MBD5: variants seen among roughly 807,000 people sequenced by gnomAD.
MBD5 encodes the protein methyl-CpG binding domain protein 5.
In MBD5, 13 loss-of-function variants were observed where a neutral mutation model predicts 117.3. That is an observed-to-expected ratio of 0.11 (90% confidence interval 0.07 to 0.18). MBD5 has a LOEUF of 0.18. Ranked by LOEUF, MBD5 falls within the 10% of genes least tolerant of loss-of-function variation. The pLI is 1.00. For missense variants in MBD5, 1,879 were observed against 2,093.8 expected (o/e 0.90, Z 2.00); for synonymous variants, 727 against 766.4 (o/e 0.95, Z 0.85).
Position 148,513,071 on chromosome 2 carries a change from G to T in MBD5, c.*130G>T. On this transcript the variant is annotated 3_prime_UTR_variant, in exon 14 of 14. Transcript: ENST00000642680. Reference sequence around the variant, plus strand: ...GGCAGATAGCTACCACCACCACAGGGTGCTAAAAGAAACAGTGATACAAAA... The same window carrying T: ...GGCAGATAGCTACCACCACCACAGGTTGCTAAAAGAAACAGTGATACAAAA... 1 of 948,356 alleles carries T rather than the reference G, an allele frequency of 1.1e-6. No homozygotes were observed. Among genetic ancestry groups the T allele is most frequent in the East Asian group, 2.6e-5 (1 of 38,834 alleles). 58.7% of individuals were successfully genotyped at this position (948,356 alleles called of 1,614,324 possible). A position where few individuals can be genotyped will look rare whatever the true frequency, so the allele number is the denominator to read the frequency against.
chr2:148,032,122 G>T (rs1383308283), intron 1 of MBD5, among the ~76,000 whole-genome samples: 1 of 151,986 alleles, frequency 6.6e-6, no homozygotes, highest in Non-Finnish European at 1.5e-5. Context: ...TTTAAACGGT[G>T]GTTATTGTTG....
rs369198653 is a variant in MBD5, at chr2:148,137,092, A to G, written c.-924-41608A>G. Among the ~76,000 whole-genome samples, 51 of 152,142 alleles carry G rather than the reference A, an allele frequency of 3.4e-4. No homozygotes were observed. In the South Asian group the frequency reaches 7.5e-3, roughly 22 times the overall value. On this transcript the variant is annotated intron_variant, in intron 1 of 13. Transcript: ENST00000642680. ...CCTTCTTAATTGAGTCTATTTCTACATTATTATTAGCAACTTGCAGCTCTT... is the reference window on the plus strand; with the variant it reads ...CCTTCTTAATTGAGTCTATTTCTACGTTATTATTAGCAACTTGCAGCTCTT...
At chr2:148,223,562 G>C (rs1699745813) in intron 2 of MBD5, among the ~76,000 whole-genome samples, 1 of 152,114 alleles carries the variant, frequency 6.6e-6, no homozygotes, top group Non-Finnish European at 1.5e-5. Flanking sequence ...TCTCATAGGA[G>C]TAATTAATGA....
In MBD5 at chr2:148,490,192, T is replaced by C; in HGVS notation, c.4560T>C (p.Cys1520=). 1 of 1,614,172 alleles carries C rather than the reference T, an allele frequency of 6.2e-7. No homozygotes were observed. Among genetic ancestry groups the C allele is most frequent in the Non-Finnish European group, 8.5e-7 (1 of 1,180,030 alleles). ...KERLENTVER[C]AHINGNRPRQ... ...GACTAGAGAACACTGTGGAAAGATG[T>C]GCACACATAAATGGGAATAGACCTC... Residue 1520 remains cysteine, a synonymous_variant, in exon 11 of 14, where the codon TGT becomes TGC. Transcript: ENST00000642680.
chr2:148,174,495 C>T (rs904240047), intron 1 of MBD5, among the ~76,000 whole-genome samples: 5 of 151,704 alleles, frequency 3.3e-5, no homozygotes, highest in African/African-American at 1.2e-4. Context: ...GCAAAAGAAA[C>T]AATGTACAGA....
chr2:148,144,063 A>G lies in MBD5; in HGVS notation c.-924-34637A>G, dbSNP rs573316702. 8.1e-4 allele frequency among the ~76,000 whole-genome samples: 123 copies of G among 152,062 alleles called. 4 individuals are homozygous for G. The South Asian group carries it at 0.025, about 30-fold the overall frequency. Reference sequence around the variant, plus strand: ...ACAATGGTTGAACTAGTTTACACCAACAGTGTAAAAGTGTTCCTATTTCTC... The same window carrying G: ...ACAATGGTTGAACTAGTTTACACCAGCAGTGTAAAAGTGTTCCTATTTCTC... On this transcript the variant is annotated intron_variant, in intron 1 of 13. Transcript: ENST00000642680.
intron 4 of MBD5, among the ~76,000 whole-genome samples, chr2:148,389,303 T>G (rs1330679848): frequency 9.2e-6 from 1 of 108,688 alleles, no homozygotes; most frequent in African/African-American, 3.4e-5. Context: ...TATATATATA[T>G]AACATTTTCT....
rs148394839 is a variant in MBD5 at position 148,490,582 on chromosome 2, C to G, written c.4950C>G (p.Pro1650=). Residue 1650 remains proline (P), a synonymous_variant, in exon 11 of 14, where the codon CCC becomes CCG. Transcript: ENST00000642680. ...DDVHNSCQQS[P]EEGKVEPEKL... is the part of the protein sequence containing the mutation. ...TTCACAATTCATGTCAACAAAGCCC[C>G]GAGGAAGGGAAGGTATACCAATCTT... 16 of 1,614,006 alleles carry G rather than the reference C, an allele frequency of 9.9e-6. No homozygotes were observed. Among genetic ancestry groups the G allele is most frequent in the Non-Finnish European group, 1.4e-5 (16 of 1,180,022 alleles).
chr2:148,335,115 G>A (rs1055225266), intron 3 of MBD5, among the ~76,000 whole-genome samples: 1 of 152,036 alleles, frequency 6.6e-6, no homozygotes, highest in Non-Finnish European at 1.5e-5. Flanking sequence ...CTGACCGGGT[G>A]CAGTAGCTCA....
chr2:148,318,225 C>T (rs67918539), intron 3 of MBD5, among the ~76,000 whole-genome samples: 10,837 of 151,108 alleles, frequency 0.072, 491 homozygotes, highest in Admixed American at 0.12. Context: ...AGCATTTTTT[C>T]GTGTGTTTGT....
chr2:148,437,350 C>A (rs60973488), intron 4 of MBD5, among the ~76,000 whole-genome samples: 2 of 151,888 alleles, frequency 1.3e-5, no homozygotes, highest in East Asian at 3.9e-4. Flanking sequence ...ATACCCAAAT[C>A]AAATTATACA....
At chr2:148,059,200 T>C (rs1660946460) in intron 1 of MBD5, among the ~76,000 whole-genome samples, 1 of 152,204 alleles carries the variant, frequency 6.6e-6, no homozygotes, top group African/African-American at 2.4e-5. Flanking sequence ...GCAGATAGTC[T>C]AACATCATTT....
chr2:148,471,830 G>A (rs1455464137), intron 8 of MBD5: 1 of 151,996 alleles, frequency 6.6e-6, no homozygotes, highest in Non-Finnish European at 1.5e-5. Flanking sequence ...TTATCCCATA[G>A]GGGGCTTCCA....
At chr2:148,353,101 A>G (rs902574463) in intron 4 of MBD5, among the ~76,000 whole-genome samples, 4 of 152,140 alleles carry the variant, frequency 2.6e-5, no homozygotes, top group Non-Finnish European at 4.4e-5. Flanking sequence ...ATAGTTTCCA[A>G]TAAAATATTA....
chr2:148,453,422 C>G (rs1404105546), intron 4 of MBD5, among the ~76,000 whole-genome samples: 2 of 152,078 alleles, frequency 1.3e-5, no homozygotes, highest in Admixed American at 1.3e-4. Flanking sequence ...CACAGGCACA[C>G]ACACACACAT....
intron 3 of MBD5, among the ~76,000 whole-genome samples, chr2:148,307,739 C>G (rs1264007671): frequency 6.6e-6 from 1 of 151,978 alleles, no homozygotes; most frequent in Non-Finnish European, 1.5e-5. Context: ...TTTGCTGCAC[C>G]CATCAACCCG....
At chr2:148,052,207 T>TTTTTG (rs1694727089) in intron 1 of MBD5, among the ~76,000 whole-genome samples, 1 of 43,700 alleles carries the variant, frequency 2.3e-5, no homozygotes, top group African/African-American at 8.7e-5. Context: ...TGTTATTGAG[T>TTTTTG]TTTTTTTTTT....
intron 11 of MBD5, among the ~76,000 whole-genome samples, chr2:148,491,399 C>T (rs541070101): frequency 3.3e-5 from 5 of 149,438 alleles, no homozygotes; most frequent in East Asian, 2.0e-4. Flanking sequence ...TTATATCTGA[C>T]CAGGAGGAGA....
At chr2:148,313,469 A>G (rs911877015) in intron 3 of MBD5, among the ~76,000 whole-genome samples, 1 of 151,982 alleles carries the variant, frequency 6.6e-6, no homozygotes, top group East Asian at 1.9e-4. Flanking sequence ...AAAACCACCT[A>G]CTCAAGCAGA....
Sources: allele counts gnomAD v4.1 joint callset (sites outside exome capture counted in the v4.1 genomes callset), GRCh38; gene constraint gnomAD v4.1.1; transcripts MANE v1.5; gene names NCBI Gene and HGNC (gene_info 2026-07-23, HGNC 2026-07-21).